SGMS2: variants seen among roughly 807,000 people sequenced by gnomAD.
SGMS2 encodes phosphatidylcholine:ceramide cholinephosphotransferase 2.
SGMS2 carries 21 observed loss-of-function variants against 43.8 expected under a neutral mutation model. The ratio of observed to expected loss-of-function variants is 0.48; its 90% CI spans 0.34 to 0.69. SGMS2 has a LOEUF of 0.69. SGMS2 is among the 30% of genes least tolerant of loss of function. SGMS2 has a pLI of 0.01. For missense variants in SGMS2, 384 were observed against 443.2 expected, an observed-to-expected ratio of 0.87 and a Z score of 1.20; for synonymous variants, 167 against 160.6, an observed-to-expected ratio of 1.04 and a Z score of -0.30.
In SGMS2 at chr4:107,879,681, C is replaced by T. The variant is rs567727833; in HGVS notation, c.-244-15629C>T. ...TTTGTCATGTTGCCCAGGCTGGTCT[C>T]GAACTCTTGGGCTCAAGTGATCCAC... On this transcript the variant is annotated intron_variant, in intron 2 of 6. Transcript: ENST00000690982. 2.0e-5 allele frequency among the ~76,000 whole-genome samples: 3 copies of T among 152,126 alleles called. No homozygotes were observed. The East Asian group carries it at 5.8e-4, about 29-fold the overall frequency.
At chr4:107,847,929 T>C (rs1270079306) in intron 1 of SGMS2, among the ~76,000 whole-genome samples, 3 of 152,188 alleles carry the variant, frequency 2.0e-5, no homozygotes, top group Non-Finnish European at 4.4e-5. Flanking sequence ...TGATATATTA[T>C]TAACCAAAGT....
intron 1 of SGMS2, among the ~76,000 whole-genome samples, chr4:107,845,251 A>G (rs1414452136): frequency 6.6e-6 from 1 of 152,184 alleles, no homozygotes; most frequent in African/African-American, 2.4e-5. Flanking sequence ...TCCTTCTCCA[A>G]GGCTCTGAGA....
At chr4:107,838,306 A>G (rs1726308751) in intron 1 of SGMS2, among the ~76,000 whole-genome samples, 1 of 152,208 alleles carries the variant, frequency 6.6e-6, no homozygotes, top group South Asian at 2.1e-4. Context: ...GATACTTGAG[A>G]TCTTGTTGAG....
intron 2 of SGMS2, among the ~76,000 whole-genome samples, chr4:107,861,723 T>C (rs775046472): frequency 6.2e-4 from 94 of 152,224 alleles, no homozygotes; most frequent in Non-Finnish European, 1.3e-3. Flanking sequence ...CATGTTTAAG[T>C]TGAAAATCTT....
chr4:107,908,579 T>C lies in SGMS2; in HGVS notation c.742T>C (p.Phe248Leu), dbSNP rs761998905. 28 of 1,613,504 alleles carry C rather than the reference T, an allele frequency of 1.7e-5. 1 individual carries two copies. The South Asian group carries it at 2.7e-4, about 16-fold the overall frequency. ...LFIKEYSPRH[F>L]WWYHLICWLL... The stretch of plus-strand genomic sequence containing the variant: ...CTACTGTCCAGATTCGCCTCGTCAC[T>C]TCTGGTGGTATCATTTAATCTGCTG... Residue 248 changes from phenylalanine to leucine, a missense_variant, in exon 6 of 7, where the codon TTC becomes CTC. Phe to Leu is a conservative substitution (Grantham distance 22). Coordinates refer to ENST00000690982, the MANE Select transcript of SGMS2 (RefSeq NM_001375905.1).
chr4:107,882,444 T>C (rs1403837793), intron 2 of SGMS2, among the ~76,000 whole-genome samples: 1 of 152,222 alleles, frequency 6.6e-6, no homozygotes, highest in Non-Finnish European at 1.5e-5. Flanking sequence ...GCTTATTTTT[T>C]TACTCAGACT....
At chr4:107,906,774 C>A (rs990241936) in intron 5 of SGMS2, among the ~76,000 whole-genome samples, 7 of 152,112 alleles carry the variant, frequency 4.6e-5, no homozygotes, top group Non-Finnish European at 8.8e-5. Context: ...CTTGCAATTC[C>A]GTGAGTAGTA....
chr4:107,907,068 C>T (rs988070449), intron 5 of SGMS2: 2 of 152,096 alleles, frequency 1.3e-5, no homozygotes, highest in African/African-American at 4.8e-5. Flanking sequence ...CTGGATCTGG[C>T]TCCTAAGACT....
intron 4 of SGMS2, 142 bp downstream of exon 4, chr4:107,899,834 G>A: frequency 4.0e-6 from 2 of 497,852 alleles, no homozygotes; most frequent in Non-Finnish European, 7.0e-6. Context: ...TAGATTTGAG[G>A]GGAAGAAATT....
chr4:107,854,622 T>A (rs907979464), intron 1 of SGMS2, among the ~76,000 whole-genome samples: 3 of 152,198 alleles, frequency 2.0e-5, no homozygotes, highest in African/African-American at 7.2e-5. Context: ...GTTTCAGAGA[T>A]CTGGAACTGT....
Position 107,914,451 on chromosome 4 carries a change from G to A in SGMS2, c.*3898G>A, listed in dbSNP as rs1732327375. On this transcript the variant is annotated 3_prime_UTR_variant, in exon 7 of 7. Coordinates refer to ENST00000690982, the MANE Select transcript of SGMS2 (RefSeq NM_001375905.1). ...TATGCAATGATTAATGCTGCAAAAT[G>A]TATGGTTATGTTACCGTATATTCAC... The A allele has an allele frequency of 6.6e-6, 1 of 152,086 alleles. No individual in the cohort carries two copies. The allele number at this position is 152,086 out of a possible 1,614,324, so 9.4% of individuals were successfully genotyped here.
rs186594488 is a variant in SGMS2, at chr4:107,837,860, A to T, written c.-327+12607A>T. Among the ~76,000 whole-genome samples, 57 of 152,282 alleles carry T rather than the reference A, an allele frequency of 3.7e-4. No individual in the cohort carries two copies. In the East Asian group the frequency reaches 9.9e-3, roughly 26 times the overall value. On this transcript the variant is annotated intron_variant, in intron 1 of 6. Coordinates refer to ENST00000690982, the MANE Select transcript of SGMS2 (RefSeq NM_001375905.1). The stretch of plus-strand genomic sequence containing the variant: ...GATATGTGGCATAACAGTAGAAAAA[A>T]TTAAGCATGACTCCTAGTTTTTTTT...
rs1312758534 is a variant in SGMS2 at position 107,825,182 on chromosome 4, T to TC, written c.-394dup. The TC allele has an allele frequency of 1.3e-5, 2 of 152,700 alleles. No individual in the cohort carries two copies. Among genetic ancestry groups the TC allele is most frequent in the Non-Finnish European group, 2.9e-5 (2 of 68,516 alleles). The allele number at this position is 152,700 out of a possible 1,614,324, so 9.5% of individuals were successfully genotyped here. A position where few individuals can be genotyped will look rare whatever the true frequency, so the allele number is the denominator to read the frequency against. On this transcript the variant is annotated 5_prime_UTR_variant, in exon 1 of 7. Coordinates refer to ENST00000690982, the MANE Select transcript of SGMS2 (RefSeq NM_001375905.1). Reference sequence around the variant, plus strand: ...GCGGCGGCTGCGGCAGCGGGCTCCATCCCCTGGCAAATCCCCTTCCCGGGA... The same window carrying TC: ...GCGGCGGCTGCGGCAGCGGGCTCCATCCCCCTGGCAAATCCCCTTCCCGGGA...
chr4:107,874,469 T>C (rs1285423472), intron 2 of SGMS2, among the ~76,000 whole-genome samples: 1 of 152,202 alleles, frequency 6.6e-6, no homozygotes, highest in Non-Finnish European at 1.5e-5. Flanking sequence ...AACATAGGGA[T>C]TTAGTTCTAA....
chr4:107,858,014 C>T (rs899192894), intron 1 of SGMS2, among the ~76,000 whole-genome samples: 1 of 151,986 alleles, frequency 6.6e-6, no homozygotes. Context: ...TGCCCCACCC[C>T]CCCCATCCCC....
intron 2 of SGMS2, among the ~76,000 whole-genome samples, chr4:107,866,027 A>G (rs1266669337): frequency 6.6e-6 from 1 of 152,240 alleles, no homozygotes; most frequent in Admixed American, 6.5e-5. Flanking sequence ...GAAGAAACTA[A>G]GGACCAAGGA....
chr4:107,841,924 T>C (rs1192121649), intron 1 of SGMS2, among the ~76,000 whole-genome samples: 5 of 152,272 alleles, frequency 3.3e-5, no homozygotes, highest in Middle Eastern at 3.4e-3. Flanking sequence ...ATGCTGGAAC[T>C]TACAGGCATG....
At chr4:107,887,305 C>G (rs1729835990) in intron 2 of SGMS2, among the ~76,000 whole-genome samples, 1 of 152,036 alleles carries the variant, frequency 6.6e-6, no homozygotes, top group South Asian at 2.1e-4. Flanking sequence ...CTGTGGATGA[C>G]AAAACGTTTT....
At chr4:107,828,135 G>A (rs1725698477) in intron 1 of SGMS2, among the ~76,000 whole-genome samples, 1 of 152,002 alleles carries the variant, frequency 6.6e-6, no homozygotes, top group African/African-American at 2.4e-5. Flanking sequence ...AAATTTATAA[G>A]TATAGGCAAA....
Sources: gnomAD v4.1 joint callset for allele counts (sites outside exome capture counted in the v4.1 genomes callset) on GRCh38, gnomAD v4.1.1 for gene constraint, MANE v1.5 for transcripts, NCBI Gene and HGNC (gene_info 2026-07-23, HGNC 2026-07-21) for gene names.